The following ACOXL variants were observed in gnomAD, a reference collection of about 807,000 sequenced individuals.
ACOXL encodes the protein acyl-coenzyme A oxidase-like protein.
A neutral mutation model predicts 71.9 loss-of-function variants in ACOXL; 70 were observed. The observed-to-expected ratio is 0.97, with a 90% CI of 0.80 to 1.19. The LOEUF is 1.19. ACOXL is among the 50% of genes most tolerant of loss of function. The pLI is 0.00. For missense variants in ACOXL, 703 were observed against 736.3 expected, an observed-to-expected ratio of 0.95 and a Z score of 0.52; for synonymous variants, 253 against 281.6, an observed-to-expected ratio of 0.90 and a Z score of 1.02.
intron 9 of ACOXL, among the ~76,000 whole-genome samples, chr2:110,811,611 A>G (rs1410982077): frequency 6.6e-6 from 1 of 152,132 alleles, no homozygotes; most frequent in Non-Finnish European, 1.5e-5. Context: ...TTGAAAGCAC[A>G]GCTCATCTGC....
chr2:110,947,580 A>T (rs934001848), intron 12 of ACOXL, among the ~76,000 whole-genome samples: 6 of 152,200 alleles, frequency 3.9e-5, no homozygotes, highest in Non-Finnish European at 7.3e-5. Context: ...GTAGTAACAG[A>T]TCACACTGAA....
In ACOXL at chr2:110,801,682, T is replaced by C; in HGVS notation, c.578T>C (p.Ile193Thr). ...GLHGVDNGIL[I>T]FDKVRIPREN... is the part of the protein sequence containing the mutation. The stretch of plus-strand genomic sequence containing the variant: ...CATGGTGTGGACAATGGGATATTAA[T>C]ATTTGACAAGGTTCGGATACCCAGG... The change falls in exon 8 of 18, where the codon ATA (isoleucine) becomes ACA (threonine). Residue 193 changes from isoleucine to threonine, a missense_variant. Transcript: ENST00000439055. The C allele has an allele frequency of 6.2e-7, 1 of 1,614,194 alleles. No individual in the cohort carries two copies. Among genetic ancestry groups the C allele is most frequent in the South Asian group, 1.1e-5 (1 of 91,082 alleles).
intron 9 of ACOXL, among the ~76,000 whole-genome samples, chr2:110,815,712 G>T (rs2105458232): frequency 6.6e-6 from 1 of 152,320 alleles, no homozygotes; most frequent in South Asian, 2.1e-4. Flanking sequence ...GGAGAGGCAG[G>T]AACCGAAGGA....
At chr2:111,015,138 C>T (rs1307322683) in intron 14 of ACOXL, among the ~76,000 whole-genome samples, 1 of 152,150 alleles carries the variant, frequency 6.6e-6, no homozygotes, top group Non-Finnish European at 1.5e-5. Context: ...CAAAAGTGAA[C>T]ATTTTTCTTC....
chr2:110,841,453 T>G (rs538309625), intron 10 of ACOXL, 48 bp downstream of exon 10: 14 of 1,512,370 alleles, frequency 9.3e-6, no homozygotes, highest in Non-Finnish European at 1.2e-5. Context: ...CTTACCAGTT[T>G]ATAGCTCTTG....
At chr2:111,019,670 T>C (rs1465252644) in intron 14 of ACOXL, among the ~76,000 whole-genome samples, 1 of 152,148 alleles carries the variant, frequency 6.6e-6, no homozygotes, top group Non-Finnish European at 1.5e-5. Flanking sequence ...TCACCAGGCA[T>C]AGACTTTGTC....
chr2:110,958,591 CT>C (rs2061588353), intron 12 of ACOXL, among the ~76,000 whole-genome samples: 1 of 152,200 alleles, frequency 6.6e-6, no homozygotes, highest in African/African-American at 2.4e-5. Flanking sequence ...CTGTGGTACC[CT>C]GGTTAAAGCC....
rs34617136 is a variant in ACOXL, at chr2:111,064,435, C to CAAAAAAAAA, written c.1440+15149_1440+15157dup. 3.5e-5 allele frequency among the ~76,000 whole-genome samples: 3 copies of CAAAAAAAAA among 85,318 alleles called. 1 individual carries two copies. Among genetic ancestry groups the CAAAAAAAAA allele is most frequent in the African/African-American group, 4.8e-5 (1 of 20,966 alleles). 56.0% of individuals were successfully genotyped at this position (85,318 alleles called of 152,430 possible). A position where few individuals can be genotyped will look rare whatever the true frequency, so the allele number is the denominator to read the frequency against. On this transcript the variant is annotated intron_variant, in intron 16 of 17. Coordinates refer to ENST00000439055, the MANE Select transcript of ACOXL (RefSeq NM_001142807.4). The stretch of plus-strand genomic sequence containing the variant: ...TGGGCGAAAGAGCGACACTCCATCT[C>CAAAAAAAAA]AAAAAAAAAACAAAAAAAAAACAAC...
chr2:110,950,835 G>GAGAGAGAGAGGC (rs70958749), intron 12 of ACOXL, among the ~76,000 whole-genome samples: 1 of 151,732 alleles, frequency 6.6e-6, no homozygotes, highest in South Asian at 2.1e-4. Context: ...GAGAGAGAGA[G>GAGAGAGAGAGGC]GGAAGTTCTG....
At chr2:110,931,909 A>G (rs2060490709) in intron 11 of ACOXL, among the ~76,000 whole-genome samples, 1 of 152,228 alleles carries the variant, frequency 6.6e-6, no homozygotes, top group African/African-American at 2.4e-5. Context: ...TGACTGAGCC[A>G]TTTCACTTCA....
chr2:110,999,898 C>T (rs1012208614), intron 14 of ACOXL, among the ~76,000 whole-genome samples: 4 of 152,212 alleles, frequency 2.6e-5, no homozygotes, highest in Non-Finnish European at 5.9e-5. Context: ...ACCACACCAT[C>T]AAGCAGCTTC....
At chr2:111,044,332 G>A (rs576398637) in intron 15 of ACOXL, among the ~76,000 whole-genome samples, 3 of 152,314 alleles carry the variant, frequency 2.0e-5, no homozygotes, top group African/African-American at 7.2e-5. Context: ...GCAACACATC[G>A]CAGAAAAGAG....
chr2:110,895,167 T>C (rs1324543405), intron 10 of ACOXL, among the ~76,000 whole-genome samples: 1 of 151,990 alleles, frequency 6.6e-6, no homozygotes, highest in Non-Finnish European at 1.5e-5. Flanking sequence ...ACAAACATGC[T>C]GAAACATGAA....
chr2:110,881,714 T>C (rs1182630342), intron 10 of ACOXL, among the ~76,000 whole-genome samples: 3 of 152,182 alleles, frequency 2.0e-5, no homozygotes, highest in Non-Finnish European at 4.4e-5. Context: ...TAGAGTTTTA[T>C]GTGGGTGGAA....
At chr2:110,830,131 G>C (rs902748788) in intron 9 of ACOXL, among the ~76,000 whole-genome samples, 1 of 152,128 alleles carries the variant, frequency 6.6e-6, no homozygotes. Flanking sequence ...TTTTTCTTTA[G>C]TAGATTTTTA....
At chr2:110,770,550 T>C (rs182583583) in intron 2 of ACOXL, among the ~76,000 whole-genome samples, 108 of 152,350 alleles carry the variant, frequency 7.1e-4, no homozygotes, top group Non-Finnish European at 1.3e-3. Context: ...TGTGACAAAG[T>C]GGAGCGTGCT....
At chr2:111,048,257 A>G (rs2066114259) in intron 15 of ACOXL, among the ~76,000 whole-genome samples, 1 of 152,208 alleles carries the variant, frequency 6.6e-6, no homozygotes, top group Non-Finnish European at 1.5e-5. Flanking sequence ...TGGAGGACTG[A>G]GTTTTGCTCT....
chr2:110,849,258 A>G (rs545522777), intron 10 of ACOXL, among the ~76,000 whole-genome samples: 10 of 152,306 alleles, frequency 6.6e-5, no homozygotes, highest in Non-Finnish European at 1.5e-4. Flanking sequence ...AGGCCATTTA[A>G]CAAAGCCCTA....
intron 1 of ACOXL, among the ~76,000 whole-genome samples, chr2:110,751,695 G>A (rs753982916): frequency 2.0e-5 from 3 of 151,912 alleles, no homozygotes; most frequent in Admixed American, 6.6e-5. Context: ...CATTATCATC[G>A]CCCCAAAAAG....
Sources: allele counts gnomAD v4.1 joint callset (sites outside exome capture counted in the v4.1 genomes callset), GRCh38; gene constraint gnomAD v4.1.1; transcripts MANE v1.5; gene names NCBI Gene and HGNC (gene_info 2026-07-23, HGNC 2026-07-21).